SLC38A2: variants seen among roughly 807,000 people sequenced by gnomAD.
SLC38A2 encodes the protein sodium-coupled neutral amino acid symporter 2.
A neutral mutation model predicts 61.5 loss-of-function variants in SLC38A2; 11 were observed. The ratio of observed to expected loss-of-function variants is 0.18; its 90% CI spans 0.11 to 0.30. The LOEUF is 0.30. Among genes scored for constraint, SLC38A2 ranks in the 10% least tolerant of loss-of-function variants. The pLI is 1.00. For missense variants in SLC38A2, 522 were observed against 600.4 expected (o/e 0.87, Z 1.36); for synonymous variants, 217 against 212.5 (o/e 1.02, Z -0.18).
chr12:46,363,284 G>A, intron 12 of SLC38A2, 139 bp from the exon 13 acceptor site: 1 of 1,074,548 alleles, frequency 9.3e-7, no homozygotes. Context: ...GATTTGTTTG[G>A]AATTATAGTT....
At position 46,370,390 on chromosome 12, in the gene SLC38A2, T is replaced by C. The variant is rs962454467; in HGVS notation, c.314+122A>G. On this transcript the variant is annotated intron_variant, in intron 4 of 15. Transcript: ENST00000256689. ...GATTTTTTGGGGTTTCTCATACTTT[T>C]AATTTTAAGCAAGTAACTTTTGAGT... 8.3e-6 allele frequency: 6 copies of C among 722,720 alleles called. No individual in the cohort carries two copies. The East Asian group carries it at 1.5e-4, about 18-fold the overall frequency. 44.8% of individuals were successfully genotyped at this position (722,720 alleles called of 1,614,324 possible).
intron 1 of SLC38A2, 50 bp from the exon 2 acceptor site, chr12:46,371,429 G>A: frequency 1.5e-6 from 1 of 678,600 alleles, no homozygotes; most frequent in Non-Finnish European, 2.5e-6. Flanking sequence ...GCCCGCCGCG[G>A]TCACGTGACG....
intron 4 of SLC38A2, among the ~76,000 whole-genome samples, chr12:46,367,651 T>C (rs1943152927): frequency 6.6e-6 from 1 of 152,208 alleles, no homozygotes; most frequent in Non-Finnish European, 1.5e-5. Context: ...AGTTTGAAAC[T>C]TGTATTTTGA....
chr12:46,364,760 T>C, intron 8 of SLC38A2, 58 bp from the exon 9 acceptor site: 2 of 1,517,234 alleles, frequency 1.3e-6, no homozygotes, highest in Admixed American at 3.9e-5. Flanking sequence ...TTAAGGCAAA[T>C]ATCTTTTTCC....
rs1438969576 is a variant in SLC38A2 at position 46,358,493 on chromosome 12, T to C, written c.*2618A>G. The C allele has an allele frequency of 2.0e-5, 3 of 152,632 alleles. No homozygotes were observed. The highest frequency in any genetic ancestry group is 7.2e-5 in the African/African-American group (3 of 41,454). The allele number at this position is 152,632 out of a possible 1,614,324, so 9.5% of individuals were successfully genotyped here. On this transcript the variant is annotated 3_prime_UTR_variant, in exon 16 of 16. Transcript: ENST00000256689. Reference sequence around the variant, plus strand: ...TTGTACCAAGATTTCATGAAAAAATTTGATGTTGTTTATTGCAAATACAAT... The same window carrying C: ...TTGTACCAAGATTTCATGAAAAAATCTGATGTTGTTTATTGCAAATACAAT...
At chr12:46,364,964 C>G in intron 8 of SLC38A2, 143 bp downstream of exon 8, 3 of 814,216 alleles carry the variant, frequency 3.7e-6, no homozygotes, top group Non-Finnish European at 4.0e-6. Context: ...ATTTTGGCTC[C>G]TAAATTTTGC....
At chr12:46,367,456 A>G (rs1943150975) in intron 4 of SLC38A2, 116 bp from the exon 5 acceptor site, 2 of 685,858 alleles carry the variant, frequency 2.9e-6, no homozygotes, top group Admixed American at 5.0e-5. Context: ...TTGTGTCAAA[A>G]TGCCCTGAAG....
At chr12:46,364,129 T>C (rs1004501133) in intron 10 of SLC38A2, 126 bp from the exon 11 acceptor site, 11 of 857,038 alleles carry the variant, frequency 1.3e-5, no homozygotes, top group Non-Finnish European at 1.8e-5. Context: ...GTAATTAGCT[T>C]CCATTCTTCT....
intron 4 of SLC38A2, 22 bp from the exon 5 acceptor site, chr12:46,367,362 A>G: frequency 2.3e-6 from 3 of 1,295,000 alleles, no homozygotes. Flanking sequence ...AGGAAAAGGC[A>G]TAGGGTTATA....
intron 4 of SLC38A2, among the ~76,000 whole-genome samples, chr12:46,370,056 C>T (rs904644912): frequency 6.6e-6 from 1 of 152,168 alleles, no homozygotes; most frequent in African/African-American, 2.4e-5. Context: ...TACCACCACA[C>T]CTTGTATGTT....
At chr12:46,362,902 C>A in intron 13 of SLC38A2, 119 bp downstream of exon 13, 1 of 1,314,430 alleles carries the variant, frequency 7.6e-7, no homozygotes, top group Non-Finnish European at 1.0e-6. Context: ...CCTTCAAAAC[C>A]ACCACCAACT....
At chr12:46,365,044 GAGAA>G in intron 8 of SLC38A2, 59 bp downstream of exon 8, 1 of 1,386,754 alleles carries the variant, frequency 7.2e-7, no homozygotes, top group East Asian at 2.3e-5. Flanking sequence ...TTTCTATTCA[GAGAA>G]AGCCCAACTA....
In SLC38A2 at chr12:46,362,598, T is replaced by C. The variant is rs1473346038; in HGVS notation, c.1220A>G (p.Asp407Gly). The change falls in exon 14 of 16, where the codon GAT becomes GGT. Residue 407 changes from aspartate to glycine, a missense_variant. Asp to Gly is a moderately conservative substitution (Grantham distance 94). Transcript: ENST00000256689. ...SVTHLLCASK[D>G]FSWWRHSLIT... is the part of the protein sequence containing the mutation. ...GAGACTATGACGCCACCAACTGAAA[T>C]CTTTTGATGCACACAACAAGTGAGT... 1 of 1,589,874 alleles carries C rather than the reference T, an allele frequency of 6.3e-7. No homozygotes were observed. Among genetic ancestry groups the C allele is most frequent in the East Asian group, 2.2e-5 (1 of 44,506 alleles).
chr12:46,363,057 C>A lies in SLC38A2; in HGVS notation c.1143G>T (p.Met381Ile), dbSNP rs770066626. The change falls in exon 13 of 16, where the codon ATG (methionine) becomes ATT (isoleucine). Residue 381 changes from methionine (M) to isoleucine (I), a missense_variant. Met to Ile is a conservative substitution (Grantham distance 10). Coordinates refer to ENST00000256689, the MANE Select transcript of SLC38A2 (RefSeq NM_018976.5). ...LLLIVRLAVLMAVTLTVPVVI... is the reference protein window; with the variant it reads ...LLLIVRLAVLIAVTLTVPVVI... ...CTACTGGTACTGTCAGGGTCACAGC[C>A]ATTAACACAGCCAGACGGACAATGA... is the stretch of plus-strand genomic sequence containing the variant. 1.2e-6 allele frequency: 2 copies of A among 1,612,968 alleles called. No individual in the cohort carries two copies. Among genetic ancestry groups the A allele is most frequent in the Non-Finnish European group, 1.7e-6 (2 of 1,179,274 alleles).
rs1943218474 is a variant in SLC38A2, at chr12:46,372,622, A to G, written c.-200T>C. On this transcript the variant is annotated 5_prime_UTR_variant, in exon 1 of 16. Transcript: ENST00000256689. ...AAATCCAACAACAGGCAGGAAAAAT[A>G]ATTTTAATAAAAAAGGAAAAGACAA... 1 of 398,378 alleles carries G rather than the reference A, an allele frequency of 2.5e-6. No homozygotes were observed. The highest frequency in any genetic ancestry group is 1.3e-4 in the South Asian group (1 of 7,870). The allele number at this position is 398,378 out of a possible 1,614,324, so 24.7% of individuals were successfully genotyped here.
At chr12:46,362,845 A>C in intron 13 of SLC38A2, 176 bp downstream of exon 13, 1 of 977,582 alleles carries the variant, frequency 1.0e-6, no homozygotes, top group Non-Finnish European at 1.5e-6. Context: ...GGTGAAAAAA[A>C]TGTCCCCAGG....
intron 1 of SLC38A2, 114 bp from the exon 2 acceptor site, chr12:46,371,493 T>G (rs1395793227): frequency 1.9e-6 from 1 of 535,556 alleles, no homozygotes; most frequent in Non-Finnish European, 3.3e-6. Context: ...AGTGGAAAAG[T>G]ACCAGCCGCG....
rs375228253 is a variant in SLC38A2, at chr12:46,363,185, C to T, written c.1055-40G>A. On this transcript the variant is annotated intron_variant, in intron 12 of 15. Transcript: ENST00000256689. ...CAAAAAAACTTTGATTGGCTGTTTT[C>T]ATTGGACACCAAGTAGAAAATTTAA... 5.9e-4 allele frequency: 938 copies of T among 1,600,680 alleles called. 17 individuals are homozygous for T. In the South Asian group the frequency reaches 9.8e-3, roughly 17 times the overall value.
At chr12:46,361,352 A>G (rs749600896) in intron 15 of SLC38A2, 143 bp from the exon 16 acceptor site, 1 of 695,360 alleles carries the variant, frequency 1.4e-6, no homozygotes. Flanking sequence ...TGCTAAATAT[A>G]AACTCCTAAG....
Sources: allele counts gnomAD v4.1 joint callset (sites outside exome capture counted in the v4.1 genomes callset), GRCh38; gene constraint gnomAD v4.1.1; transcripts MANE v1.5; gene names NCBI Gene and HGNC (gene_info 2026-07-23, HGNC 2026-07-21).